BRD8: variants seen among roughly 807,000 people sequenced by gnomAD.
BRD8 encodes the protein bromodomain-containing protein 8.
BRD8 carries 67 observed loss-of-function variants against 143.1 expected under a neutral mutation model. The observed-to-expected ratio is 0.47, with a 90% CI of 0.38 to 0.57. The LOEUF (loss-of-function observed/expected upper bound fraction) is 0.57, where lower values mean the gene tolerates loss of function less well. Ranked by LOEUF, BRD8 falls within the 20% of genes least tolerant of loss-of-function variation. The pLI, the probability that BRD8 is intolerant of heterozygous loss-of-function variation, is 0.00. For missense variants in BRD8, 1,103 were observed against 1,503.0 expected, an observed-to-expected ratio of 0.73 and a Z score of 4.40; for synonymous variants, 505 against 517.1, an observed-to-expected ratio of 0.98 and a Z score of 0.32.
At chr5:138,144,151 C>T (rs184570965) in intron 25 of BRD8, among the ~76,000 whole-genome samples, 3 of 152,038 alleles carry the variant, frequency 2.0e-5, no homozygotes, top group Non-Finnish European at 4.4e-5. Context: ...TAACACTCAC[C>T]GCCAAGGTCT....
At chr5:138,157,332 G>A (rs1752667535) in intron 20 of BRD8, 2 of 1,602,184 alleles carry the variant, frequency 1.2e-6, no homozygotes, top group African/African-American at 2.7e-5. Flanking sequence ...CGGTGCAACA[G>A]AAAAGTTGGG....
chr5:138,168,782 T>C (rs1753641242), intron 8 of BRD8: 1 of 709,622 alleles, frequency 1.4e-6, no homozygotes, highest in Non-Finnish European at 2.4e-6. Flanking sequence ...TATTATTTTA[T>C]TAGTCCTGAG....
chr5:138,176,108 T>G (rs1481960184), intron 2 of BRD8, among the ~76,000 whole-genome samples: 1 of 151,874 alleles, frequency 6.6e-6, no homozygotes, highest in Non-Finnish European at 1.5e-5. Context: ...AAGTGATGGA[T>G]AAATAAAACT....
intron 17 of BRD8, among the ~76,000 whole-genome samples, chr5:138,161,453 C>A (rs1164912423): frequency 6.6e-6 from 1 of 152,094 alleles, no homozygotes; most frequent in African/African-American, 2.4e-5. Flanking sequence ...GTAGTTGGGA[C>A]TACAAATGCG....
intron 24 of BRD8, 56 bp from the exon 25 acceptor site, chr5:138,145,301 G>C: frequency 6.6e-7 from 1 of 1,517,926 alleles, no homozygotes; most frequent in Non-Finnish European, 9.1e-7. Context: ...CACTCTGAAG[G>C]AGAAGAGTAG....
chr5:138,146,120 T>G (rs1752138725), intron 23 of BRD8, among the ~76,000 whole-genome samples: 1 of 152,044 alleles, frequency 6.6e-6, no homozygotes, highest in African/African-American at 2.4e-5. Flanking sequence ...TGCAGTGGCA[T>G]GATCTCAGCT....
intron 1 of BRD8, 58 bp downstream of exon 1, chr5:138,178,538 T>C (rs1298256862): frequency 4.4e-5 from 67 of 1,517,658 alleles, no homozygotes; most frequent in Non-Finnish European, 6.0e-5. Flanking sequence ...AACAAAAATA[T>C]GGTGCCTAGC....
chr5:138,156,168 C>T (rs1369341911), intron 20 of BRD8, among the ~76,000 whole-genome samples: 3 of 146,278 alleles, frequency 2.1e-5, no homozygotes, highest in Non-Finnish European at 4.5e-5. Context: ...GAGATGGAAT[C>T]TTGCTCTGTT....
At chr5:138,155,028 A>G (rs961033347) in intron 20 of BRD8, among the ~76,000 whole-genome samples, 2 of 151,906 alleles carry the variant, frequency 1.3e-5, no homozygotes, top group African/African-American at 4.8e-5. Context: ...ATGAGGTTTC[A>G]CCATGTTGGC....
At chr5:138,172,660 C>A (rs1161702960) in intron 2 of BRD8, 3 of 335,814 alleles carry the variant, frequency 8.9e-6, no homozygotes, top group Non-Finnish European at 1.6e-5. Flanking sequence ...GAGATCCCAT[C>A]CCTACAAAAA....
rs1384605557 is a variant in BRD8 at position 138,165,021 on chromosome 5, G to T, written c.1424C>A (p.Ala475Glu). 1.2e-6 allele frequency: 2 copies of T among 1,614,136 alleles called. No homozygotes were observed. The highest frequency in any genetic ancestry group is 2.2e-5 in the South Asian group (2 of 91,082). Residue 475 changes from alanine (A) to glutamate (E), a missense_variant, in exon 12 of 27, where the codon GCA becomes GAA. Ala to Glu is a moderately radical substitution (Grantham distance 107). Around this residue, in one of 7 missense-constraint regions of BRD8, gnomAD observed 53 missense variants for 101.4 expected, o/e 0.52. Coordinates refer to ENST00000254900, the MANE Select transcript of BRD8 (RefSeq NM_139199.2). ...CTCTTGCTTGACCGTCATTTCTGGT[G>T]CAGGGAGAGGTACTGGCTTGTCCCG... ...QERDKPVPLP[A>E]PEMTVKQERL... is the part of the protein sequence containing the mutation.
In BRD8 at chr5:138,162,086, G is replaced by T; in HGVS notation, c.2148C>A (p.Ile716=). ...IQAQKIWKKA[I]MLVWRAAANH... The stretch of plus-strand genomic sequence containing the variant: ...TAGCTGCAGCTCTCCATACAAGCAT[G>T]ATGGCTTTCTTCCAAATTTTCTGTG... Residue 716 remains isoleucine (I), a synonymous_variant, in exon 16 of 27, where the codon ATC becomes ATA. Transcript: ENST00000254900. The T allele has an allele frequency of 1.2e-6, 2 of 1,614,056 alleles. No homozygotes were observed. The highest frequency in any genetic ancestry group is 1.7e-6 in the Non-Finnish European group (2 of 1,179,972).
Position 138,170,824 on chromosome 5 carries a change from T to G in BRD8, c.440+8A>C, listed in dbSNP as rs1753805147. Reference sequence around the variant, plus strand: ...AGAAGCACAGAAGAACAATATAATATAACCCACGTTGCAATGTCATTGCAA... The same window carrying G: ...AGAAGCACAGAAGAACAATATAATAGAACCCACGTTGCAATGTCATTGCAA... On this transcript the variant is annotated splice_region_variant and intron_variant, in intron 6 of 26. Coordinates refer to ENST00000254900, the MANE Select transcript of BRD8 (RefSeq NM_139199.2). 1.2e-6 allele frequency: 2 copies of G among 1,610,770 alleles called. No individual in the cohort carries two copies. Among genetic ancestry groups the G allele is most frequent in the African/African-American group, 2.7e-5 (2 of 74,836 alleles).
rs1752902371 is a variant in BRD8, at chr5:138,160,273, T to G, written c.2428-100A>C. 1.8e-5 allele frequency: 14 copies of G among 782,740 alleles called. No individual in the cohort carries two copies. The South Asian group carries it at 2.2e-4, about 12-fold the overall frequency. 48.5% of individuals were successfully genotyped at this position (782,740 alleles called of 1,614,324 possible). A position where few individuals can be genotyped will look rare whatever the true frequency, so the allele number is the denominator to read the frequency against. On this transcript the variant is annotated intron_variant, in intron 18 of 26. Coordinates refer to ENST00000254900, the MANE Select transcript of BRD8 (RefSeq NM_139199.2). ...GTAAATAGAACTTTGTATAGTACTC[T>G]TCTGGCTCAAATATATTTTGACTGA...
At position 138,170,427 on chromosome 5, in the gene BRD8, G is replaced by A; in HGVS notation, c.441-18C>T. ...TCTTTTTCCTAAACAGGGAATTAAG[G>A]GTTAGATGCTAGACAGCTCTGGCTC... On this transcript the variant is annotated intron_variant, in intron 6 of 26. Coordinates refer to ENST00000254900, the MANE Select transcript of BRD8 (RefSeq NM_139199.2). 2 of 1,613,694 alleles carry A rather than the reference G, an allele frequency of 1.2e-6. No homozygotes were observed.
In BRD8 at chr5:138,166,622, G is replaced by A. The variant is rs1486490517; in HGVS notation, c.893C>T (p.Pro298Leu). ...VASEPPVKLV[P>L]PPVESVSQAT... ...TTGGGACACAGACTCTACAGGGGGTGGCACAAGTTTAACTGGAGGCTCACT... is the reference window on the plus strand; with the variant it reads ...TTGGGACACAGACTCTACAGGGGGTAGCACAAGTTTAACTGGAGGCTCACT... The change falls in exon 10 of 27, where the codon CCA (proline) becomes CTA (leucine). Residue 298 changes from proline to leucine, a missense_variant. This residue lies in a region of BRD8 where 334 missense variants were observed against 372.5 expected (regional missense o/e 0.90). Coordinates refer to ENST00000254900, the MANE Select transcript of BRD8 (RefSeq NM_139199.2). 5 of 1,613,546 alleles carry A rather than the reference G, an allele frequency of 3.1e-6. No individual in the cohort carries two copies. Among genetic ancestry groups the A allele is most frequent in the Non-Finnish European group, 4.2e-6 (5 of 1,179,498 alleles).
At chr5:138,155,358 A>G (rs1435273410) in intron 20 of BRD8, among the ~76,000 whole-genome samples, 2 of 151,126 alleles carry the variant, frequency 1.3e-5, no homozygotes, top group Admixed American at 1.3e-4. Context: ...CTAAGGCAGG[A>G]GAATCGCTTG....
At chr5:138,142,759 C>CAAA (rs35529846) in intron 25 of BRD8, among the ~76,000 whole-genome samples, 20 of 83,842 alleles carry the variant, frequency 2.4e-4, no homozygotes, top group Non-Finnish European at 4.2e-4. Flanking sequence ...AAGACTGTCT[C>CAAA]AAAAAAAAAA....
chr5:138,154,296 G>C (rs1752485823), intron 20 of BRD8, among the ~76,000 whole-genome samples: 2 of 151,984 alleles, frequency 1.3e-5, no homozygotes, highest in African/African-American at 4.8e-5. Context: ...TTATTCCTTA[G>C]TATAATCCCT....
Sources: allele counts gnomAD v4.1 joint callset (sites outside exome capture counted in the v4.1 genomes callset), GRCh38; gene constraint gnomAD v4.1.1; regional missense constraint gnomAD v4.1.1; transcripts MANE v1.5; gene names NCBI Gene and HGNC (gene_info 2026-07-23, HGNC 2026-07-21).